Variants in LCOR observed in about 807,000 individuals in gnomAD.
LCOR encodes the protein ligand-dependent corepressor.
A neutral mutation model predicts 64.4 loss-of-function variants in LCOR; 14 were observed. That is an observed-to-expected ratio of 0.22 (90% CI 0.14 to 0.34). LCOR has a LOEUF of 0.34. Ranked by LOEUF, LCOR falls within the 10% of genes least tolerant of loss-of-function variation. The pLI is 1.00. For missense variants in LCOR, 1,686 were observed against 1,765.3 expected (o/e 0.96, Z 0.80); for synonymous variants, 643 against 642.5 (o/e 1.00, Z -0.01).
chr10:96,857,865 G>A (rs564922659), intron 2 of LCOR, among the ~76,000 whole-genome samples: 3 of 152,240 alleles, frequency 2.0e-5, no homozygotes, highest in South Asian at 4.1e-4. Context: ...CCAGGCTATT[G>A]CTTCAGTTTC....
At chr10:96,834,404 A>C (rs913979891) in intron 2 of LCOR, among the ~76,000 whole-genome samples, 9 of 152,148 alleles carry the variant, frequency 5.9e-5, no homozygotes, top group Non-Finnish European at 1.3e-4. Context: ...CCTTTTGCCT[A>C]TCAGTTATCC....
intron 7 of LCOR, among the ~76,000 whole-genome samples, chr10:96,965,661 C>CAAA (rs755222216): frequency 1.9e-3 from 126 of 65,184 alleles, no homozygotes; most frequent in African/African-American, 5.0e-3. Context: ...GACTCTGTCT[C>CAAA]AAAAAAAAAA....
At chr10:96,888,999 A>T (rs931042894) in intron 2 of LCOR, among the ~76,000 whole-genome samples, 9 of 152,236 alleles carry the variant, frequency 5.9e-5, no homozygotes, top group Non-Finnish European at 1.2e-4. Context: ...ACTCCATTTT[A>T]AAAAACTAAA....
intron 2 of LCOR, among the ~76,000 whole-genome samples, chr10:96,837,736 C>A (rs919608874): frequency 1.3e-5 from 2 of 152,120 alleles, no homozygotes; most frequent in Admixed American, 1.3e-4. Context: ...TGGAAAGAGT[C>A]AAAAAGTATT....
In LCOR at chr10:96,993,229, G is replaced by A. The variant is rs540893652; in HGVS notation, c.*8095G>A. The stretch of plus-strand genomic sequence containing the variant: ...AGCAGGGAGCTTTGGGACTAGGCAC[G>A]CAGGGGTTTTGTCATCCATTTGAAC... On this transcript the variant is annotated 3_prime_UTR_variant, in exon 8 of 8. Coordinates refer to ENST00000421806, the MANE Select transcript of LCOR (RefSeq NM_001346516.2). 1.7e-4 allele frequency: 26 copies of A among 152,332 alleles called. No homozygotes were observed. In the South Asian group the frequency reaches 4.8e-3, roughly 28 times the overall value. The allele number at this position is 152,332 out of a possible 1,614,324, so 9.4% of individuals were successfully genotyped here.
intron 7 of LCOR, chr10:96,962,382 T>G (rs1186477825): frequency 6.6e-6 from 1 of 152,182 alleles, no homozygotes; most frequent in African/African-American, 2.4e-5. Flanking sequence ...TGGCTGAAAT[T>G]CAAGCCTTTT....
chr10:96,883,038 C>A (rs1462750485), intron 2 of LCOR, among the ~76,000 whole-genome samples: 6 of 151,952 alleles, frequency 3.9e-5, no homozygotes, highest in Non-Finnish European at 7.4e-5. Context: ...TCAGGTTTTT[C>A]TTTTGTTGTT....
rs1427418760 is a variant in LCOR at position 96,984,311 on chromosome 10, A to T, written c.3851A>T (p.Asp1284Val). 8 of 1,614,038 alleles carry T rather than the reference A, an allele frequency of 5.0e-6. No individual in the cohort carries two copies. Among genetic ancestry groups the T allele is most frequent in the Non-Finnish European group, 5.9e-6 (7 of 1,180,048 alleles). The change falls in exon 8 of 8, where the codon GAC becomes GTC. Residue 1284 changes from aspartate to valine, a missense_variant. Transcript: ENST00000421806. ...SDVSPGPNSE[D>V]SIEEVKEDRN... ...GTCAGCCCCGGCCCTAATTCTGAAGACAGCATAGAGGAAGTCAAGGAAGAT... is the reference window on the plus strand; with the variant it reads ...GTCAGCCCCGGCCCTAATTCTGAAGTCAGCATAGAGGAAGTCAAGGAAGAT...
chr10:96,916,742 G>A (rs867899780), intron 4 of LCOR, among the ~76,000 whole-genome samples: 51 of 151,944 alleles, frequency 3.4e-4, no homozygotes, highest in African/African-American at 1.2e-3. Flanking sequence ...AACCTCCTGA[G>A]TAGCTGGGAC....
chr10:96,881,793 A>G (rs961134768), intron 2 of LCOR, among the ~76,000 whole-genome samples: 1 of 152,142 alleles, frequency 6.6e-6, no homozygotes, highest in Non-Finnish European at 1.5e-5. Context: ...ATTAGCCAAT[A>G]TTTGTGGTAC....
chr10:96,981,453 G>A lies in LCOR; in HGVS notation c.993G>A (p.Glu331=), dbSNP rs767060322. ...ITVKMAAENS[E]EGNTCIIPQR... is the part of the protein sequence containing the mutation. Reference sequence around the variant, plus strand: ...TAAAAATGGCAGCTGAGAATAGTGAGGAAGGCAATACCTGTATTATTCCTC... The same window carrying A: ...TAAAAATGGCAGCTGAGAATAGTGAAGAAGGCAATACCTGTATTATTCCTC... The change falls in exon 8 of 8, where the codon GAG becomes GAA. Residue 331 remains glutamate, a synonymous_variant. Coordinates refer to ENST00000421806, the MANE Select transcript of LCOR (RefSeq NM_001346516.2). 16 of 1,614,142 alleles carry A rather than the reference G, an allele frequency of 9.9e-6. No individual in the cohort carries two copies. In the Admixed American group the frequency reaches 1.7e-4, roughly 17 times the overall value.
At chr10:96,832,888 C>T (rs1165457861) in intron 1 of LCOR, 4 of 692,586 alleles carry the variant, frequency 5.8e-6, no homozygotes, top group East Asian at 1.3e-4. Context: ...CCCCCACGCG[C>T]GGGGCGCGCC....
intron 2 of LCOR, among the ~76,000 whole-genome samples, chr10:96,877,549 C>G (rs1846188710): frequency 6.9e-6 from 1 of 144,366 alleles, no homozygotes; most frequent in African/African-American, 2.6e-5. Context: ...ATAAAAATAA[C>G]TTATTGATCA....
At position 96,894,880 on chromosome 10, in the gene LCOR, A is replaced by G. The variant is rs1025062235; in HGVS notation, c.-329-12385A>G. 4.6e-5 allele frequency among the ~76,000 whole-genome samples: 7 copies of G among 152,306 alleles called. 1 individual carries two copies. In the East Asian group the frequency reaches 1.3e-3, roughly 29 times the overall value. On this transcript the variant is annotated intron_variant, in intron 2 of 7. Coordinates refer to ENST00000421806, the MANE Select transcript of LCOR (RefSeq NM_001346516.2). ...TTTCAATAACAGTGCCATATATAAT[A>G]GTTCAGATCAGCTAGTATTTTTTGA... is the stretch of plus-strand genomic sequence containing the variant.
chr10:96,955,498 G>C, intron 7 of LCOR: 1 of 1,614,124 alleles, frequency 6.2e-7, no homozygotes, highest in Non-Finnish European at 8.5e-7. Context: ...AAAAAATTAA[G>C]GGCTATTCTT....
chr10:96,846,896 A>G (rs1282575439), intron 2 of LCOR, among the ~76,000 whole-genome samples: 1 of 152,174 alleles, frequency 6.6e-6, no homozygotes, highest in Non-Finnish European at 1.5e-5. Flanking sequence ...TATCCATATC[A>G]AAGATTAGTA....
Position 96,869,153 on chromosome 10 carries a change from C to T in LCOR, c.-330+35674C>T, listed in dbSNP as rs143227153. On this transcript the variant is annotated intron_variant, in intron 2 of 7. Coordinates refer to ENST00000421806, the MANE Select transcript of LCOR (RefSeq NM_001346516.2). ...AGCTCGCAACCTCAAGTGATCCCCC[C>T]GCTTCGGCCTCCCAAAGTGCTGGGA... 9.6e-3 allele frequency among the ~76,000 whole-genome samples: 1,462 copies of T among 152,142 alleles called. 30 individuals carry two copies. The highest frequency in any genetic ancestry group is 0.033 in the African/African-American group (1,382 of 41,498).
chr10:96,876,436 CAT>C (rs1225419008), intron 2 of LCOR, among the ~76,000 whole-genome samples: 1 of 151,984 alleles, frequency 6.6e-6, no homozygotes, highest in Non-Finnish European at 1.5e-5. Flanking sequence ...AACTATAGCA[CAT>C]ATTGAAATGG....
intron 7 of LCOR, chr10:96,956,309 C>G (rs1295851127): frequency 2.0e-6 from 2 of 993,786 alleles, no homozygotes; most frequent in East Asian, 2.2e-4. Context: ...ACAAAGCCCC[C>G]TTTTAGAAAC....
Sources: allele counts gnomAD v4.1 joint callset (sites outside exome capture counted in the v4.1 genomes callset), GRCh38; gene constraint gnomAD v4.1.1; transcripts MANE v1.5; gene names NCBI Gene and HGNC (gene_info 2026-07-23, HGNC 2026-07-21).